Variants in LPAR3 observed in about 807,000 individuals in gnomAD.
LPAR3 encodes the protein lysophosphatidic acid receptor 3.
A neutral mutation model predicts 17.8 loss-of-function variants in LPAR3; 7 were observed. That is an observed-to-expected ratio of 0.39 (90% CI 0.22 to 0.74). The LOEUF is 0.74. LPAR3 is among the 30% of genes least tolerant of loss of function. The pLI, the probability that LPAR3 is intolerant of heterozygous loss-of-function variation, is 0.40. For synonymous variants in LPAR3, 179 were observed against 179.9 expected, an observed-to-expected ratio of 0.99 and a Z score of 0.04; for missense variants, 391 against 453.4, an observed-to-expected ratio of 0.86 and a Z score of 1.25.
intron 2 of LPAR3, among the ~76,000 whole-genome samples, chr1:84,817,354 C>T (rs891650128): frequency 2.0e-5 from 3 of 152,062 alleles, no homozygotes; most frequent in African/African-American, 7.3e-5. Flanking sequence ...TCCACATTCT[C>T]TATGAATTCT....
chr1:84,891,446 G>T (rs1163715389), intron 1 of LPAR3, among the ~76,000 whole-genome samples: 1 of 152,172 alleles, frequency 6.6e-6, no homozygotes, highest in Admixed American at 6.5e-5. Flanking sequence ...GACTGGCAGG[G>T]TTTGCTCGCT....
chr1:84,835,694 C>T (rs1659389067), intron 2 of LPAR3, among the ~76,000 whole-genome samples: 2 of 152,088 alleles, frequency 1.3e-5, no homozygotes, highest in South Asian at 2.1e-4. Context: ...AAAATATAGA[C>T]CAAGTACAAA....
intron 1 of LPAR3, among the ~76,000 whole-genome samples, chr1:84,885,891 G>A (rs550742858): frequency 2.4e-4 from 37 of 152,284 alleles, no homozygotes; most frequent in African/African-American, 8.7e-4. Context: ...TATAAAGGGG[G>A]AAGAACAGAA....
chr1:84,852,696 A>C (rs1257304630), intron 2 of LPAR3, among the ~76,000 whole-genome samples: 3 of 152,124 alleles, frequency 2.0e-5, no homozygotes, highest in Non-Finnish European at 2.9e-5. Context: ...GAACTTGGGG[A>C]CCCAAAGGAG....
chr1:84,814,408 C>T (rs2102742355), intron 2 of LPAR3, among the ~76,000 whole-genome samples: 1 of 152,298 alleles, frequency 6.6e-6, no homozygotes, highest in South Asian at 2.1e-4. Context: ...TTTCTGCTTA[C>T]CCAGGTCTTG....
intron 2 of LPAR3, among the ~76,000 whole-genome samples, chr1:84,840,592 T>A (rs142324248): frequency 6.6e-5 from 10 of 152,310 alleles, no homozygotes; most frequent in African/African-American, 2.2e-4. Flanking sequence ...ACCAAATTTA[T>A]AATAAAGTTA....
intron 1 of LPAR3, among the ~76,000 whole-genome samples, chr1:84,876,114 G>A (rs953631664): frequency 1.3e-5 from 2 of 152,192 alleles, no homozygotes; most frequent in African/African-American, 4.8e-5. Context: ...AGCCAGAGGG[G>A]CTCCTCGAGA....
intron 2 of LPAR3, among the ~76,000 whole-genome samples, chr1:84,832,781 G>A (rs1483569017): frequency 6.6e-6 from 1 of 152,112 alleles, no homozygotes; most frequent in Non-Finnish European, 1.5e-5. Flanking sequence ...AATTTTGAAC[G>A]TTTTATTATA....
chr1:84,873,924 T>C (rs561178427), intron 1 of LPAR3, among the ~76,000 whole-genome samples: 2 of 152,238 alleles, frequency 1.3e-5, no homozygotes, highest in East Asian at 3.9e-4. Context: ...AGCTAATTCT[T>C]GTATTATTAG....
chr1:84,877,162 G>T (rs1365763299), intron 1 of LPAR3, among the ~76,000 whole-genome samples: 6 of 152,194 alleles, frequency 3.9e-5, no homozygotes, highest in African/African-American at 1.4e-4. Flanking sequence ...GGAAGAAATA[G>T]ACTTTTCTTA....
intron 2 of LPAR3, among the ~76,000 whole-genome samples, chr1:84,818,881 A>T (rs571422290): frequency 1.8e-4 from 27 of 152,202 alleles, no homozygotes; most frequent in African/African-American, 6.5e-4. Context: ...ATATATTGGA[A>T]TTCACTTCTA....
rs1023610737 is a variant in LPAR3, at chr1:84,849,970, C to T, written c.736+15415G>A. ...TCGGATGGGCGGCCCTGTGTGATCA[C>T]GCAGATCTGTGCTCAGAAGGGCCTG... On this transcript the variant is annotated intron_variant, in intron 2 of 2. Transcript: ENST00000370611. Among the ~76,000 whole-genome samples the T allele has an allele frequency of 4.6e-5, 7 of 152,130 alleles. No homozygotes were observed. The East Asian group carries it at 7.7e-4, about 17-fold the overall frequency.
intron 2 of LPAR3, among the ~76,000 whole-genome samples, chr1:84,827,242 T>C (rs1021108869): frequency 6.6e-6 from 1 of 152,178 alleles, no homozygotes; most frequent in South Asian, 2.1e-4. Context: ...GGGAAACATA[T>C]TGTACTATAC....
intron 2 of LPAR3, among the ~76,000 whole-genome samples, chr1:84,849,178 C>G (rs1352161321): frequency 1.3e-5 from 2 of 151,800 alleles, no homozygotes; most frequent in Non-Finnish European, 2.9e-5. Context: ...AGATCCAGAC[C>G]ATCCTGGCCA....
chr1:84,854,186 C>A (rs1323244796), intron 2 of LPAR3, among the ~76,000 whole-genome samples: 2 of 152,206 alleles, frequency 1.3e-5, no homozygotes, highest in Non-Finnish European at 2.9e-5. Flanking sequence ...CCAGTCTCCC[C>A]TTTCTACCCA....
chr1:84,888,599 C>A (rs541889084), intron 1 of LPAR3, among the ~76,000 whole-genome samples: 2 of 152,186 alleles, frequency 1.3e-5, no homozygotes, highest in Non-Finnish European at 2.9e-5. Context: ...GGATGTGCTT[C>A]GGGATAGCTT....
intron 2 of LPAR3, among the ~76,000 whole-genome samples, chr1:84,824,266 T>C (rs1201418142): frequency 6.6e-6 from 1 of 152,110 alleles, no homozygotes; most frequent in Non-Finnish European, 1.5e-5. Context: ...CATGCTGCCT[T>C]ACAGAGAGAT....
chr1:84,834,065 C>T (rs1171867958), intron 2 of LPAR3, among the ~76,000 whole-genome samples: 1 of 152,130 alleles, frequency 6.6e-6, no homozygotes, highest in African/African-American at 2.4e-5. Flanking sequence ...AAAAGACCTG[C>T]GTGGTAGAAG....
At chr1:84,863,752 C>G (rs1049415982) in intron 2 of LPAR3, among the ~76,000 whole-genome samples, 1 of 152,214 alleles carries the variant, frequency 6.6e-6, no homozygotes, top group Admixed American at 6.5e-5. Context: ...TTGCCACACC[C>G]CTTGGATGTC....
Sources: allele counts gnomAD v4.1 joint callset (sites outside exome capture counted in the v4.1 genomes callset), GRCh38; gene constraint gnomAD v4.1.1; transcripts MANE v1.5; gene names NCBI Gene and HGNC (gene_info 2026-07-23, HGNC 2026-07-21).